EXTL2: variants seen among roughly 807,000 people sequenced by gnomAD.
The protein encoded by EXTL2 is exostosin-like 2.
In EXTL2, 23 loss-of-function variants were observed where a neutral mutation model predicts 30.7. The observed-to-expected ratio is 0.75, with a 90% confidence interval of 0.54 to 1.06. EXTL2 has a LOEUF of 1.06. Ranked by LOEUF, EXTL2 falls within the 50% of genes least tolerant of loss-of-function variation. The pLI is 0.00. For synonymous variants in EXTL2, 123 were observed against 133.8 expected (o/e 0.92, Z 0.56); for missense variants, 352 against 396.3 (o/e 0.89, Z 0.95).
chr1:100,876,622 A>G (rs1395635043), intron 4 of EXTL2, among the ~76,000 whole-genome samples, 172 bp downstream of exon 4: 1 of 152,118 alleles, frequency 6.6e-6, no homozygotes, highest in Non-Finnish European at 1.5e-5. Context: ...AACTTTCAGG[A>G]TGGCTGAACT....
chr1:100,874,442 G>T lies in EXTL2; in HGVS notation c.505-12C>A. The T allele has an allele frequency of 6.4e-7, 1 of 1,556,622 alleles. No individual in the cohort carries two copies. The highest frequency in any genetic ancestry group is 1.2e-5 in the South Asian group (1 of 82,824). On this transcript the variant is annotated splice_polypyrimidine_tract_variant and intron_variant, in intron 4 of 4. Transcript: ENST00000370114. The stretch of plus-strand genomic sequence containing the variant: ...TGATCAGGAAATTGCTGAAAAGAGG[G>T]AAAAAGAACAATAAAATGTCACATA...
rs778873323 is a variant in EXTL2 at position 100,877,926 on chromosome 1, A to G, written c.6-23T>C. On this transcript the variant is annotated intron_variant, in intron 2 of 4. Coordinates refer to ENST00000370114, the MANE Select transcript of EXTL2 (RefSeq NM_001033025.3). This position sits in a 1 kb window ranked among gnomAD's most constrained non-coding sequence, Gnocchi z 4.1. ...CACCTGGAGTAGAAATGGAAACAAC[A>G]TACAAATGTTAGCATTCTTACGAGT... 1 of 1,553,632 alleles carries G rather than the reference A, an allele frequency of 6.4e-7. No individual in the cohort carries two copies. Among genetic ancestry groups the G allele is most frequent in the African/African-American group, 1.4e-5 (1 of 73,572 alleles).
In EXTL2 at chr1:100,874,176, G is replaced by A. The variant is rs1415761802; in HGVS notation, c.759C>T (p.Ala253=). 6.2e-7 allele frequency: 1 copy of A among 1,612,900 alleles called. No individual in the cohort carries two copies. Reference sequence around the variant, plus strand: ...TCCCTGAAGTCTTGCCAATATGCTTGGCAATGATAAAATTCATGGCAATAT... The same window carrying A: ...TCCCTGAAGTCTTGCCAATATGCTTAGCAATGATAAAATTCATGGCAATAT... ...CDDIAMNFII[A]KHIGKTSGIF... Residue 253 remains alanine (A), a synonymous_variant, in exon 5 of 5, where the codon GCC becomes GCT. Coordinates refer to ENST00000370114, the MANE Select transcript of EXTL2 (RefSeq NM_001033025.3).
At chr1:100,889,102 C>G (rs1446189525) in intron 1 of EXTL2, among the ~76,000 whole-genome samples, 25 of 152,112 alleles carry the variant, frequency 1.6e-4, no homozygotes. Flanking sequence ...AGAAATACCC[C>G]AGACTGGGTA....
intron 2 of EXTL2, among the ~76,000 whole-genome samples, chr1:100,887,589 AGAG>A (rs1281924853): frequency 4.6e-5 from 7 of 152,280 alleles, no homozygotes; most frequent in Non-Finnish European, 1.0e-4. Flanking sequence ...CCCATTTTGC[AGAG>A]AAGACATTTG....
In EXTL2 at chr1:100,877,235, T is replaced by C. The variant is rs185551579; in HGVS notation, c.433+241A>G. ...GCATAAGCTAAATGGCATCTTACTATCAACTGTAATGCAATCATATGTAAT... is the reference window on the plus strand; with the variant it reads ...GCATAAGCTAAATGGCATCTTACTACCAACTGTAATGCAATCATATGTAAT... On this transcript the variant is annotated intron_variant, in intron 3 of 4. Transcript: ENST00000370114. The surrounding 1 kb of genome is among the most constrained non-coding windows in gnomAD (Gnocchi z 4.1). 3.4e-4 allele frequency among the ~76,000 whole-genome samples: 52 copies of C among 152,230 alleles called. No individual in the cohort carries two copies. Among genetic ancestry groups the C allele is most frequent in the Middle Eastern group, 3.4e-3 (1 of 294 alleles).
chr1:100,882,810 T>C (rs1019502002), intron 2 of EXTL2, among the ~76,000 whole-genome samples: 1 of 151,970 alleles, frequency 6.6e-6, no homozygotes, highest in Non-Finnish European at 1.5e-5. Context: ...GGGAACAGAG[T>C]GAGACTCTCA....
At position 100,877,605 on chromosome 1, in the gene EXTL2, T is replaced by A; in HGVS notation, c.304A>T (p.Ile102Phe). 1 of 1,613,532 alleles carries A rather than the reference T, an allele frequency of 6.2e-7. No individual in the cohort carries two copies. Residue 102 changes from isoleucine to phenylalanine, a missense_variant, in exon 3 of 5, where the codon ATT becomes TTT. Transcript: ENST00000370114. This position sits in a 1 kb window ranked among gnomAD's most constrained non-coding sequence, Gnocchi z 4.1. ...AATTCATCTGGTGCCTTCTCTCCAA[T>A]ATTGTTCCATACCACAATCACTTTG... ...LHKVIVVWNN[I>F]GEKAPDELWN...
At chr1:100,880,809 A>G (rs553886686) in intron 2 of EXTL2, 1 of 216,870 alleles carries the variant, frequency 4.6e-6, no homozygotes, top group Admixed American at 6.5e-5. Flanking sequence ...CTGAGTAGGA[A>G]TAGCACATTT....
Position 100,877,456 on chromosome 1 carries a change from A to C in EXTL2, c.433+20T>G, listed in dbSNP as rs758180765. On this transcript the variant is annotated intron_variant, in intron 3 of 4. Transcript: ENST00000370114. This position sits in a 1 kb window ranked among gnomAD's most constrained non-coding sequence, Gnocchi z 4.1. ...GGACAGCGGCAGCCTTTCCAGGCTGAGAACTACACTGCAACTCACCATTGG... is the reference window on the plus strand; with the variant it reads ...GGACAGCGGCAGCCTTTCCAGGCTGCGAACTACACTGCAACTCACCATTGG... The C allele has an allele frequency of 2.2e-5, 34 of 1,545,512 alleles. No individual in the cohort carries two copies. The highest frequency in any genetic ancestry group is 2.8e-5 in the Non-Finnish European group (32 of 1,147,800).
intron 2 of EXTL2, among the ~76,000 whole-genome samples, chr1:100,883,397 C>G (rs1456099927): frequency 1.3e-5 from 2 of 152,218 alleles, no homozygotes; most frequent in African/African-American, 4.8e-5. Context: ...CCCTTAACCC[C>G]TGACCTCCAT....
intron 1 of EXTL2, among the ~76,000 whole-genome samples, chr1:100,891,392 G>C (rs528561077): frequency 6.6e-6 from 1 of 152,320 alleles, no homozygotes; most frequent in African/African-American, 2.4e-5. Flanking sequence ...AAAAAAGAAA[G>C]AGTAATCTAT....
chr1:100,884,693 CTCAAATCTCTT>C, intron 2 of EXTL2, among the ~76,000 whole-genome samples: 1 of 152,310 alleles, frequency 6.6e-6, no homozygotes, highest in South Asian at 2.1e-4. Context: ...CTCCCTGCCC[CTCAAATCTCTT>C]TCAAATATCA....
At position 100,888,845 on chromosome 1, in the gene EXTL2, A is replaced by G; in HGVS notation, c.-71-17T>C. Reference sequence around the variant, plus strand: ...CACTTGTCACTATTAAGATAAATCAAAGAATTTTCTGTGATGTTTCTGTCA... The same window carrying G: ...CACTTGTCACTATTAAGATAAATCAGAGAATTTTCTGTGATGTTTCTGTCA... On this transcript the variant is annotated splice_polypyrimidine_tract_variant and intron_variant, in intron 1 of 4. Coordinates refer to ENST00000370114, the MANE Select transcript of EXTL2 (RefSeq NM_001033025.3). 2.0e-6 allele frequency: 2 copies of G among 981,248 alleles called. No individual in the cohort carries two copies. 60.8% of individuals were successfully genotyped at this position (981,248 alleles called of 1,614,324 possible).
intron 2 of EXTL2, among the ~76,000 whole-genome samples, chr1:100,887,772 C>T (rs1011668242): frequency 6.6e-6 from 1 of 151,912 alleles, no homozygotes; most frequent in Admixed American, 6.6e-5. Flanking sequence ...TGGCGCGATC[C>T]GGCTCACTGC....
intron 1 of EXTL2, among the ~76,000 whole-genome samples, chr1:100,893,663 T>G (rs994678339): frequency 1.4e-4 from 22 of 152,344 alleles, no homozygotes; most frequent in African/African-American, 4.8e-4. Context: ...AAACATTATT[T>G]GACAATGACA....
In EXTL2 at chr1:100,884,790, C is replaced by A. The variant is rs74456877; in HGVS notation, c.5+3963G>T. Among the ~76,000 whole-genome samples, 86 of 152,242 alleles carry A rather than the reference C, an allele frequency of 5.6e-4. No individual in the cohort carries two copies. The East Asian group carries it at 0.015, about 26-fold the overall frequency. On this transcript the variant is annotated intron_variant, in intron 2 of 4. Transcript: ENST00000370114. ...GAACTCTGATTACTGTGTTTCTAGTCCTTGTTTTCAGGTATTTCAACTATC... is the reference window on the plus strand; with the variant it reads ...GAACTCTGATTACTGTGTTTCTAGTACTTGTTTTCAGGTATTTCAACTATC...
chr1:100,886,857 C>T (rs2100957957), intron 2 of EXTL2, among the ~76,000 whole-genome samples: 2 of 152,100 alleles, frequency 1.3e-5, no homozygotes, highest in Middle Eastern at 3.4e-3. Flanking sequence ...TTAATTGTAG[C>T]TATTGATGAT....
intron 1 of EXTL2, among the ~76,000 whole-genome samples, chr1:100,893,931 A>G (rs1221316995): frequency 6.6e-6 from 1 of 152,202 alleles, no homozygotes; most frequent in Non-Finnish European, 1.5e-5. Flanking sequence ...TGTAACTGAA[A>G]TTAAACTTCA....
Sources: allele counts gnomAD v4.1 joint callset (sites outside exome capture counted in the v4.1 genomes callset), GRCh38; gene constraint gnomAD v4.1.1; non-coding constraint Gnocchi (gnomAD v3.1); transcripts MANE v1.5; gene names NCBI Gene and HGNC (gene_info 2026-07-23, HGNC 2026-07-21).